Variants in CHCT1 observed in about 807,000 individuals in gnomAD.
CHCT1 encodes the protein CHD1 helical C-terminal domain containing protein 1.
At chr17:60,421,270 C>A in the CHCT1 span, 1 of 760,226 alleles carries the variant, frequency 1.3e-6, no homozygotes, top group Non-Finnish European at 1.6e-6. Context: ...ACAACAATAA[C>A]AACAAGACGT....
the CHCT1 span, among the ~76,000 whole-genome samples, chr17:60,430,554 C>G: frequency 6.6e-6 from 1 of 152,216 alleles, no homozygotes; most frequent in Non-Finnish European, 1.5e-5. Flanking sequence ...GATCTCAGCT[C>G]ACTGCAACCT....
chr17:60,425,330 C>T, the CHCT1 span, among the ~76,000 whole-genome samples: 10 of 152,292 alleles, frequency 6.6e-5, no homozygotes, highest in South Asian at 2.1e-4. Context: ...CACAGGTGCA[C>T]GCCACCATGC....
the CHCT1 span, among the ~76,000 whole-genome samples, chr17:60,423,252 C>A: frequency 6.6e-6 from 1 of 151,368 alleles, no homozygotes; most frequent in Non-Finnish European, 1.5e-5. Flanking sequence ...ACTGCAGTGG[C>A]ATGATCTTGG....
At chr17:60,424,246 AG>A in the CHCT1 span, among the ~76,000 whole-genome samples, 2 of 152,158 alleles carry the variant, frequency 1.3e-5, no homozygotes, top group African/African-American at 4.8e-5. Context: ...TGAGATTTAG[AG>A]GGGACACACA....
chr17:60,425,036 T>C, the CHCT1 span, among the ~76,000 whole-genome samples: 8 of 152,302 alleles, frequency 5.3e-5, no homozygotes, highest in African/African-American at 1.9e-4. Flanking sequence ...TTCAAAAACC[T>C]GATTCACCAA....
chr17:60,428,119 A>G, the CHCT1 span, among the ~76,000 whole-genome samples: 1 of 152,326 alleles, frequency 6.6e-6, no homozygotes, highest in African/African-American at 2.4e-5. Context: ...AAAGCATTCT[A>G]TGTGCCAGGT....
the CHCT1 span, chr17:60,426,095 C>A: frequency 1.3e-6 from 2 of 1,497,734 alleles, no homozygotes; most frequent in Admixed American, 2.0e-5. Flanking sequence ...GTGCTGGATA[C>A]CTGGGACTGC....
chr17:60,421,325 A>G, the CHCT1 span: 3 of 967,650 alleles, frequency 3.1e-6, no homozygotes, highest in South Asian at 4.8e-5. Context: ...AAGTTTCTGG[A>G]CTCAAAGGGT....
the CHCT1 span, chr17:60,426,232 GA>G: frequency 6.4e-7 from 1 of 1,551,946 alleles, no homozygotes; most frequent in East Asian, 2.4e-5. Context: ...TTCCCCAGAA[GA>G]AGAAGCTGAA....
At chr17:60,430,200 C>T in the CHCT1 span, among the ~76,000 whole-genome samples, 2 of 141,388 alleles carry the variant, frequency 1.4e-5, no homozygotes. Flanking sequence ...GAATGTTCTC[C>T]TTCCTGATTT....
At chr17:60,426,436 A>C in the CHCT1 span, 2 of 1,310,152 alleles carry the variant, frequency 1.5e-6, no homozygotes, top group Non-Finnish European at 2.1e-6. Context: ...CTTCATCTTT[A>C]TGTGGAGGAG....
At chr17:60,430,122 C>CCTTTTTTTTTTTT in the CHCT1 span, among the ~76,000 whole-genome samples, 2 of 64,316 alleles carry the variant, frequency 3.1e-5, 1 homozygote, top group African/African-American at 7.0e-5. Context: ...ACGCACCTGG[C>CCTTTTTTTTTTTT]TTTTTTTTTT....
the CHCT1 span, among the ~76,000 whole-genome samples, chr17:60,428,676 G>A: frequency 2.0e-5 from 3 of 151,470 alleles, no homozygotes; most frequent in Non-Finnish European, 4.4e-5. Context: ...TAATAGAGAC[G>A]GGGTTTCACC....
the CHCT1 span, chr17:60,421,430 C>T: frequency 2.0e-6 from 2 of 985,634 alleles, no homozygotes; most frequent in Non-Finnish European, 2.4e-6. Flanking sequence ...GCAGGGGAGG[C>T]CCGGGCCGAC....
chr17:60,422,281 T>C, the CHCT1 span: 1 of 428,064 alleles, frequency 2.3e-6, no homozygotes, highest in Non-Finnish European at 4.1e-6. Context: ...ACAGTATTCT[T>C]GGGAGAAGGG....
At chr17:60,430,519 G>A in the CHCT1 span, among the ~76,000 whole-genome samples, 1 of 151,876 alleles carries the variant, frequency 6.6e-6, no homozygotes, top group African/African-American at 2.4e-5. Flanking sequence ...CTCACTCTGC[G>A]GCCCAAGCTG....
chr17:60,429,678 T>C, the CHCT1 span: 2 of 854,768 alleles, frequency 2.3e-6, no homozygotes, highest in East Asian at 5.3e-5. Flanking sequence ...GACAAGCTCC[T>C]CTTCCCTCCT....
chr17:60,426,869 C>T, the CHCT1 span: 4 of 1,549,228 alleles, frequency 2.6e-6, no homozygotes, highest in African/African-American at 5.5e-5. Flanking sequence ...GTTGATGTGT[C>T]CTTAGACTTG....
the CHCT1 span, chr17:60,422,250 T>A: frequency 2.9e-6 from 1 of 346,788 alleles, no homozygotes; most frequent in Non-Finnish European, 5.4e-6. Flanking sequence ...CCTTACCAGG[T>A]GGTGTCAGGA....
Sources: allele counts gnomAD v4.1 joint callset (sites outside exome capture counted in the v4.1 genomes callset), GRCh38; gene constraint gnomAD v4.1.1; transcripts MANE v1.5; gene names NCBI Gene and HGNC (gene_info 2026-07-23, HGNC 2026-07-21).